The following ASIC2 variants were observed in gnomAD, a reference collection of about 807,000 sequenced individuals.
ASIC2 encodes acid-sensing ion channel 2.
In ASIC2, 25 loss-of-function variants were observed where a neutral mutation model predicts 57.3. The ratio of observed to expected loss-of-function variants is 0.44; its 90% confidence interval spans 0.32 to 0.61. ASIC2 has a LOEUF of 0.61. Among genes scored for constraint, ASIC2 ranks in the 20% least tolerant of loss-of-function variants. ASIC2 has a pLI of 0.06. For missense variants in ASIC2, 641 were observed against 738.1 expected (o/e 0.87, Z 1.52); for synonymous variants, 319 against 307.5 (o/e 1.04, Z -0.39).
chr17:34,073,417 G>A (rs925461884), intron 1 of ASIC2, among the ~76,000 whole-genome samples: 1 of 152,172 alleles, frequency 6.6e-6, no homozygotes, highest in South Asian at 2.1e-4. Context: ...GTTTTGTTAC[G>A]ACCTTATCAG....
At chr17:33,835,450 C>G (rs1198361805) in intron 1 of ASIC2, among the ~76,000 whole-genome samples, 2 of 152,120 alleles carry the variant, frequency 1.3e-5, no homozygotes, top group Admixed American at 6.6e-5. Flanking sequence ...CACTGATAAA[C>G]CCCAGGTCAT....
intron 1 of ASIC2, among the ~76,000 whole-genome samples, chr17:33,382,375 T>C (rs545893489): frequency 1.3e-5 from 2 of 152,316 alleles, no homozygotes; most frequent in South Asian, 2.1e-4. Flanking sequence ...CACTACACTA[T>C]GGATACGGTG....
intron 1 of ASIC2, among the ~76,000 whole-genome samples, chr17:33,907,770 G>A (rs546773905): frequency 5.9e-5 from 9 of 152,180 alleles, no homozygotes; most frequent in South Asian, 2.1e-4. Context: ...TGCTTGTAGC[G>A]CTTTCACAAT....
rs1420867273 is a variant in ASIC2 at position 33,017,687 on chromosome 17, G to GGA, written c.1442-5_1442-4dup. ...TCCCATCTGACCACCAATATCACCTGGAGAGAGAGGGAAAAGACCAAAGCT... is the reference window on the plus strand; with the variant it reads ...TCCCATCTGACCACCAATATCACCTGGAGAGAGAGAGGGAAAAGACCAAAGCT... On this transcript the variant is annotated splice_region_variant and splice_polypyrimidine_tract_variant and intron_variant, in intron 7 of 9. Coordinates refer to ENST00000225823, the MANE Select transcript of ASIC2 (RefSeq NM_183377.2). 7 of 1,612,174 alleles carry GGA rather than the reference G, an allele frequency of 4.3e-6. No homozygotes were observed. The highest frequency in any genetic ancestry group is 5.9e-6 in the Non-Finnish European group (7 of 1,178,390).
intron 1 of ASIC2, among the ~76,000 whole-genome samples, chr17:34,109,099 T>C (rs1004277784): frequency 4.0e-5 from 6 of 151,880 alleles, no homozygotes; most frequent in Admixed American, 1.3e-4. Flanking sequence ...GGGTATTTTG[T>C]CTATTTTCAA....
intron 1 of ASIC2, among the ~76,000 whole-genome samples, chr17:33,470,625 C>T (rs1913018309): frequency 6.6e-6 from 1 of 152,160 alleles, no homozygotes; most frequent in Non-Finnish European, 1.5e-5. Context: ...CTAAAGCCAT[C>T]ACCTGCTCTT....
chr17:33,711,036 C>T lies in ASIC2; in HGVS notation c.555+444942G>A, dbSNP rs180896048. Among the ~76,000 whole-genome samples, 5 of 152,238 alleles carry T rather than the reference C, an allele frequency of 3.3e-5. No homozygotes were observed. The East Asian group carries it at 9.7e-4, about 29-fold the overall frequency. On this transcript the variant is annotated intron_variant, in intron 1 of 9. Coordinates refer to the ASIC2 transcript ENST00000359872. ...CATGATCATGGCTCACTGCAGCCTC[C>T]AACTCCTGGTCTCAAGCGATCCTCC... is the stretch of plus-strand genomic sequence containing the variant.
chr17:33,505,825 T>A (rs1250130676), intron 1 of ASIC2, among the ~76,000 whole-genome samples: 1 of 152,220 alleles, frequency 6.6e-6, no homozygotes, highest in African/African-American at 2.4e-5. Flanking sequence ...GGGAAGCCTT[T>A]CGGGAGCTCA....
At chr17:33,932,741 A>AAAAAAAAAATATATATATAT (rs1555572867) in intron 1 of ASIC2, 1 of 58,714 alleles carries the variant, frequency 1.7e-5, no homozygotes, top group Non-Finnish European at 3.1e-5. Flanking sequence ...AAAAAAAAAA[A>AAAAAAAAAATATATATATAT]ATATATATAT....
intron 1 of ASIC2, among the ~76,000 whole-genome samples, chr17:34,142,662 A>G (rs1219561183): frequency 6.6e-6 from 1 of 152,210 alleles, no homozygotes; most frequent in Non-Finnish European, 1.5e-5. Context: ...AATTACAGCA[A>G]ACTTGGGCTG....
chr17:33,998,209 T>C (rs189253706), intron 1 of ASIC2, among the ~76,000 whole-genome samples: 151 of 152,268 alleles, frequency 9.9e-4, no homozygotes, highest in African/African-American at 3.4e-3. Context: ...TTATGATCCT[T>C]TGTATTTCTG....
chr17:33,096,330 T>C (rs1434942731), intron 2 of ASIC2, among the ~76,000 whole-genome samples: 1 of 152,210 alleles, frequency 6.6e-6, no homozygotes, highest in African/African-American at 2.4e-5. Flanking sequence ...ATGCCTACCA[T>C]GAGCATGTGC....
intron 1 of ASIC2, among the ~76,000 whole-genome samples, chr17:33,846,728 T>TC: frequency 7.1e-6 from 1 of 139,936 alleles, no homozygotes; most frequent in Non-Finnish European, 1.5e-5. Context: ...AGTGATAACT[T>TC]TTTTTTTTTT....
chr17:34,112,457 CA>C (rs35815808), intron 1 of ASIC2, among the ~76,000 whole-genome samples: 3,696 of 79,856 alleles, frequency 0.046, 90 homozygotes, highest in African/African-American at 0.12. Context: ...CAAGACAGGC[CA>C]AAAAAAAAAA....
At chr17:33,768,021 T>C (rs547080034) in intron 1 of ASIC2, among the ~76,000 whole-genome samples, 1 of 152,102 alleles carries the variant, frequency 6.6e-6, no homozygotes, top group Non-Finnish European at 1.5e-5. Flanking sequence ...ATTTTTTTTT[T>C]TTTTTGAGAC....
Position 33,475,744 on chromosome 17 carries a change from A to T in ASIC2, c.556-363677T>A, listed in dbSNP as rs558556101. On this transcript the variant is annotated intron_variant, in intron 1 of 9. Transcript: ENST00000359872. ...CTGCTCGCATCCCTGTAATCTTGCTATGAGGGAAAGCAAGCGGCCTTATCT... is the reference window on the plus strand; with the variant it reads ...CTGCTCGCATCCCTGTAATCTTGCTTTGAGGGAAAGCAAGCGGCCTTATCT... Among the ~76,000 whole-genome samples the T allele has an allele frequency of 2.6e-5, 4 of 152,274 alleles. No homozygotes were observed. In the East Asian group the frequency reaches 7.7e-4, roughly 29 times the overall value.
At chr17:34,099,120 GAGAGAGAGAGAGAGAGAGAGAGAGAC>G (rs1216155642) in intron 1 of ASIC2, among the ~76,000 whole-genome samples, 78 of 27,222 alleles carry the variant, frequency 2.9e-3, no homozygotes, top group Middle Eastern at 0.018. Context: ...GAGAGAGAGA[GAGAGAGAGAGAGAGAGAGAGAGAGAC>G]AGAGAGAGAG....
At chr17:33,099,167 TTTG>T (rs1567744181) in intron 2 of ASIC2, among the ~76,000 whole-genome samples, 4 of 151,628 alleles carry the variant, frequency 2.6e-5, no homozygotes, top group South Asian at 4.2e-4. Flanking sequence ...TAGGTTTTTT[TTTG>T]TTGTTGTTGT....
intron 1 of ASIC2, among the ~76,000 whole-genome samples, chr17:33,304,825 G>A (rs555838459): frequency 7.2e-5 from 11 of 152,160 alleles, no homozygotes; most frequent in South Asian, 2.1e-4. Context: ...CTTGTAGTGC[G>A]TCTGCCGTCT....
Sources: allele counts gnomAD v4.1 joint callset (sites outside exome capture counted in the v4.1 genomes callset), GRCh38; gene constraint gnomAD v4.1.1; transcripts MANE v1.5; gene names NCBI Gene and HGNC (gene_info 2026-07-23, HGNC 2026-07-21).